Variants in ALDH1A2 observed in about 807,000 individuals in gnomAD.
ALDH1A2 encodes the protein retinal dehydrogenase 2.
A neutral mutation model predicts 60.3 loss-of-function variants in ALDH1A2; 27 were observed. That is an observed-to-expected ratio of 0.45 (90% CI 0.33 to 0.62). ALDH1A2 has a LOEUF of 0.62. ALDH1A2 is among the 20% of genes least tolerant of loss of function. The pLI is 0.02. For synonymous variants in ALDH1A2, 289 were observed against 232.4 expected (o/e 1.24, Z -2.21); for missense variants, 581 against 643.8 (o/e 0.90, Z 1.06).
intron 1 of ALDH1A2, among the ~76,000 whole-genome samples, chr15:58,042,447 C>T (rs956335710): frequency 6.6e-6 from 1 of 151,882 alleles, no homozygotes; most frequent in Non-Finnish European, 1.5e-5. Context: ...ATAGTAGATG[C>T]CCAATAAATG....
chr15:58,059,755 G>C (rs1896974722), intron 1 of ALDH1A2, among the ~76,000 whole-genome samples: 1 of 152,218 alleles, frequency 6.6e-6, no homozygotes, highest in African/African-American at 2.4e-5. Flanking sequence ...CAAGACCTTG[G>C]TGGAAAACCC....
At chr15:58,010,833 C>T (rs1315084925) in intron 3 of ALDH1A2, 55 bp from the exon 4 acceptor site, 2 of 1,603,524 alleles carry the variant, frequency 1.2e-6, no homozygotes, top group African/African-American at 1.3e-5. Context: ...CAGCGATACA[C>T]TAATTTCTAG....
intron 10 of ALDH1A2, 140 bp from the exon 11 acceptor site, chr15:57,961,434 C>G: frequency 1.9e-6 from 2 of 1,068,412 alleles, no homozygotes; most frequent in Non-Finnish European, 2.8e-6. Context: ...AATCTCCCAA[C>G]CTTTCCTAGG....
chr15:58,024,205 C>G (rs1896010780), intron 1 of ALDH1A2, among the ~76,000 whole-genome samples: 1 of 151,844 alleles, frequency 6.6e-6, no homozygotes, highest in African/African-American at 2.4e-5. Context: ...CTACAGGAAT[C>G]CAAACTACAG....
At chr15:57,984,659 A>G (rs1205907776) in intron 7 of ALDH1A2, among the ~76,000 whole-genome samples, 1 of 152,222 alleles carries the variant, frequency 6.6e-6, no homozygotes, top group East Asian at 1.9e-4. Flanking sequence ...AGTGTTTTCA[A>G]GGCTCATTCA....
intron 7 of ALDH1A2, among the ~76,000 whole-genome samples, chr15:57,968,070 T>C (rs1893951882): frequency 6.6e-6 from 1 of 152,172 alleles, no homozygotes; most frequent in Non-Finnish European, 1.5e-5. Context: ...CATCTGTGAC[T>C]GTCTGCTCTT....
intron 1 of ALDH1A2, among the ~76,000 whole-genome samples, chr15:58,055,992 A>G (rs915745874): frequency 6.6e-6 from 1 of 152,114 alleles, no homozygotes; most frequent in Non-Finnish European, 1.5e-5. Flanking sequence ...TCATCAATTT[A>G]TCTTGACCCT....
intron 1 of ALDH1A2, 115 bp from the exon 2 acceptor site, chr15:58,014,396 C>A: frequency 1.1e-6 from 1 of 871,640 alleles, no homozygotes; most frequent in East Asian, 2.5e-5. Flanking sequence ...TAAAAGTATA[C>A]AATTTGAAGT....
chr15:57,976,646 T>A (rs1894268653), intron 7 of ALDH1A2, among the ~76,000 whole-genome samples: 1 of 152,232 alleles, frequency 6.6e-6, no homozygotes, highest in Non-Finnish European at 1.5e-5. Flanking sequence ...TGCCACATTT[T>A]CTTTATCCAG....
chr15:57,998,991 T>C (rs1160291713), intron 4 of ALDH1A2, among the ~76,000 whole-genome samples: 2 of 152,134 alleles, frequency 1.3e-5, no homozygotes, highest in African/African-American at 4.8e-5. Context: ...GAAAACTAGC[T>C]AGCAATATGC....
chr15:58,021,436 A>T (rs540295379), intron 1 of ALDH1A2, among the ~76,000 whole-genome samples: 3 of 152,270 alleles, frequency 2.0e-5, no homozygotes, highest in Admixed American at 2.0e-4. Context: ...GTGATTTCCC[A>T]AAGTGGGAAA....
At chr15:57,979,929 C>T (rs1433719601) in intron 7 of ALDH1A2, 3 of 358,284 alleles carry the variant, frequency 8.4e-6, no homozygotes, top group Non-Finnish European at 1.7e-5. Flanking sequence ...AATTACCACA[C>T]TTGTCGGTTC....
chr15:58,015,438 G>GA (rs1895764224), intron 1 of ALDH1A2, among the ~76,000 whole-genome samples: 1 of 152,076 alleles, frequency 6.6e-6, no homozygotes, highest in Non-Finnish European at 1.5e-5. Flanking sequence ...TAAGATAAAG[G>GA]AAAATACCTT....
intron 12 of ALDH1A2, among the ~76,000 whole-genome samples, chr15:57,958,530 G>T (rs1893616556): frequency 6.6e-6 from 1 of 152,176 alleles, no homozygotes; most frequent in South Asian, 2.1e-4. Flanking sequence ...GACCTCGTGG[G>T]CTAGGTCAGC....
At chr15:58,057,556 C>T (rs1284176466) in intron 1 of ALDH1A2, among the ~76,000 whole-genome samples, 3 of 152,170 alleles carry the variant, frequency 2.0e-5, no homozygotes, top group Non-Finnish European at 4.4e-5. Flanking sequence ...TGTTATATTA[C>T]TGCTTTACTT....
chr15:57,973,959 TTCTC>T (rs145819696), intron 7 of ALDH1A2, among the ~76,000 whole-genome samples: 32 of 150,880 alleles, frequency 2.1e-4, no homozygotes, highest in African/African-American at 7.3e-4. Context: ...AAATTCTCCC[TTCTC>T]TCTCTCTCTC....
intron 1 of ALDH1A2, among the ~76,000 whole-genome samples, chr15:58,022,766 G>T (rs1191327733): frequency 1.3e-5 from 2 of 152,064 alleles, no homozygotes; most frequent in East Asian, 1.9e-4. Context: ...TACTGCCAAA[G>T]AAATCATATA....
At chr15:58,029,954 C>A (rs1194439914) in intron 1 of ALDH1A2, among the ~76,000 whole-genome samples, 1 of 152,064 alleles carries the variant, frequency 6.6e-6, no homozygotes. Context: ...AACAGAGGTA[C>A]AAACAGCAAA....
chr15:58,059,945 G>C (rs1437186584), intron 1 of ALDH1A2, among the ~76,000 whole-genome samples: 1 of 152,084 alleles, frequency 6.6e-6, no homozygotes, highest in African/African-American at 2.4e-5. Context: ...TTTTTGAGAT[G>C]AAGTTTCACT....
Sources: gnomAD v4.1 joint callset for allele counts (sites outside exome capture counted in the v4.1 genomes callset) on GRCh38, gnomAD v4.1.1 for gene constraint, MANE v1.5 for transcripts, NCBI Gene and HGNC (gene_info 2026-07-23, HGNC 2026-07-21) for gene names.